Variants in SHPRH observed in about 807,000 individuals in gnomAD.
The protein encoded by SHPRH is SNF2 histone linker PHD RING helicase.
In SHPRH, 106 loss-of-function variants were observed where a neutral mutation model predicts 202.5. The ratio of observed to expected loss-of-function variants is 0.52; its 90% CI spans 0.45 to 0.62. The LOEUF is 0.62. SHPRH is among the 20% of genes least tolerant of loss of function. The pLI is 0.00. For missense variants in SHPRH, 1,710 were observed against 2,020.0 expected, an observed-to-expected ratio of 0.85 and a Z score of 2.94; for synonymous variants, 729 against 686.0, an observed-to-expected ratio of 1.06 and a Z score of -0.98.
intron 23 of SHPRH, 105 bp downstream of exon 23, chr6:145,918,026 C>T: frequency 1.3e-6 from 1 of 763,914 alleles, no homozygotes; most frequent in South Asian, 2.0e-5. Flanking sequence ...CATATAACAC[C>T]AAATACTAAT....
At chr6:145,887,695 T>C (rs1781194714) in intron 29 of SHPRH, among the ~76,000 whole-genome samples, 1 of 152,108 alleles carries the variant, frequency 6.6e-6, no homozygotes, top group Admixed American at 6.6e-5. Flanking sequence ...TCACCATGCC[T>C]GGCTAATTTT....
chr6:145,862,260 G>A (rs1486066103), downstream of SHPRH, among the ~76,000 whole-genome samples: 1 of 151,604 alleles, frequency 6.6e-6, no homozygotes, highest in Non-Finnish European at 1.5e-5. Context: ...AGGAGATTGA[G>A]ACCATGGTGA....
chr6:145,857,956 T>C, the SHPRH span, among the ~76,000 whole-genome samples: 1 of 152,128 alleles, frequency 6.6e-6, no homozygotes, highest in African/African-American at 2.4e-5. Context: ...CAAAGAAGCA[T>C]ATGATATGAC....
At chr6:145,912,288 A>G (rs1043399542) in intron 24 of SHPRH, among the ~76,000 whole-genome samples, 3 of 152,096 alleles carry the variant, frequency 2.0e-5, no homozygotes, top group African/African-American at 7.2e-5. Flanking sequence ...CGGCTACTAT[A>G]TATTGTAAGT....
intron 11 of SHPRH, among the ~76,000 whole-genome samples, chr6:145,937,455 T>A (rs1786236702): frequency 6.6e-6 from 1 of 152,120 alleles, no homozygotes; most frequent in South Asian, 2.1e-4. Context: ...CAGCACCACT[T>A]GCCTAGATTA....
Position 145,902,310 on chromosome 6 carries a change from A to C in SHPRH, c.4516-7333T>G, listed in dbSNP as rs531940246. 8.5e-4 allele frequency among the ~76,000 whole-genome samples: 129 copies of C among 152,262 alleles called. 1 individual carries two copies. The South Asian group carries it at 0.017, about 20-fold the overall frequency. On this transcript the variant is annotated intron_variant, in intron 25 of 29. Coordinates refer to ENST00000275233, the MANE Select transcript of SHPRH (RefSeq NM_001042683.3). Reference sequence around the variant, plus strand: ...CAAGATCAGAAATGTCATGTGGCTTATCTGCTCTAACAGGTGCCACTAACT... The same window carrying C: ...CAAGATCAGAAATGTCATGTGGCTTCTCTGCTCTAACAGGTGCCACTAACT...
At position 145,955,058 on chromosome 6, in the gene SHPRH, C is replaced by T; in HGVS notation, c.265G>A (p.Val89Ile). The change falls in exon 2 of 30, where the codon GTT becomes ATT. Residue 89 changes from valine (V) to isoleucine (I), a missense_variant. This residue lies in a region of SHPRH where 459 missense variants were observed against 426.5 expected (regional missense o/e 1.08). Coordinates refer to ENST00000275233, the MANE Select transcript of SHPRH (RefSeq NM_001042683.3). ...FSKPIEKEET[V>I]GIFSPLSVKL... ...ACAGACAAAGGGGAAAAAATACCAACAGTCTCTTCTTTTTCAATTGGTTTT... is the reference window on the plus strand; with the variant it reads ...ACAGACAAAGGGGAAAAAATACCAATAGTCTCTTCTTTTTCAATTGGTTTT... The T allele has an allele frequency of 6.2e-7, 1 of 1,613,248 alleles. No homozygotes were observed. The highest frequency in any genetic ancestry group is 1.3e-5 in the African/African-American group (1 of 75,018).
At chr6:145,906,681 GT>G (rs1430985842) in intron 25 of SHPRH, 1 of 152,006 alleles carries the variant, frequency 6.6e-6, no homozygotes, top group East Asian at 1.9e-4. Flanking sequence ...ATAGGTTCTG[GT>G]TACAATTCTG....
intron 2 of SHPRH, chr6:145,877,808 C>T (rs1384591118): frequency 6.6e-6 from 1 of 152,204 alleles, no homozygotes; most frequent in Non-Finnish European, 1.5e-5. Context: ...CTATTGATCC[C>T]AAGTCTTTAG....
downstream of SHPRH, among the ~76,000 whole-genome samples, chr6:145,863,421 A>G (rs766473572): frequency 2.0e-5 from 3 of 152,248 alleles, no homozygotes; most frequent in Non-Finnish European, 4.4e-5. Flanking sequence ...ATATATTGCA[A>G]TGTATTTCCT....
At chr6:145,872,348 A>C (rs981000357) in intron 2 of SHPRH, among the ~76,000 whole-genome samples, 7 of 152,124 alleles carry the variant, frequency 4.6e-5, no homozygotes, top group African/African-American at 7.2e-5. Context: ...CAAATTTACA[A>C]AAAAAAGCAA....
chr6:145,909,534 T>C (rs1334209938), intron 25 of SHPRH: 2 of 152,108 alleles, frequency 1.3e-5, no homozygotes, highest in Non-Finnish European at 2.9e-5. Flanking sequence ...GGGAGAAGGG[T>C]ACCCTAATAA....
At chr6:145,931,513 C>G (rs1785440927) in intron 14 of SHPRH, among the ~76,000 whole-genome samples, 1 of 151,876 alleles carries the variant, frequency 6.6e-6, no homozygotes, top group Admixed American at 6.6e-5. Context: ...CCACCACACC[C>G]AGCTAGTAGA....
the SHPRH span, among the ~76,000 whole-genome samples, chr6:145,859,241 A>G: frequency 1.3e-5 from 2 of 152,032 alleles, no homozygotes; most frequent in Non-Finnish European, 2.9e-5. Flanking sequence ...AATCTCACCC[A>G]ATTAACCTGT....
At chr6:145,912,202 A>C (rs3924498) in intron 24 of SHPRH, among the ~76,000 whole-genome samples, 1 of 151,564 alleles carries the variant, frequency 6.6e-6, no homozygotes, top group Non-Finnish European at 1.5e-5. Flanking sequence ...ATATGGGTTA[A>C]CTCTGATAGA....
chr6:145,893,427 G>C (rs35225414), intron 27 of SHPRH, 34 bp from the exon 28 acceptor site: 37 of 1,532,452 alleles, frequency 2.4e-5, no homozygotes, highest in Non-Finnish European at 3.1e-5. Flanking sequence ...ATTTTAGCTC[G>C]ATCAGTTAAA....
rs1252196895 is a variant in SHPRH, at chr6:145,964,003, G to C, written c.-305C>G. The C allele has an allele frequency of 1.3e-5, 2 of 152,188 alleles. No homozygotes were observed. Among genetic ancestry groups the C allele is most frequent in the Non-Finnish European group, 2.9e-5 (2 of 68,084 alleles). 9.4% of individuals were successfully genotyped at this position (152,188 alleles called of 1,614,324 possible). A position where few individuals can be genotyped will look rare whatever the true frequency, so the allele number is the denominator to read the frequency against. ...GCTAGTCCGGGATCGGGAAGAGGTG[G>C]GGAAGACTCGCGCAGCGGCTCCCTC... On this transcript the variant is annotated 5_prime_UTR_variant, in exon 1 of 30. Coordinates refer to ENST00000275233, the MANE Select transcript of SHPRH (RefSeq NM_001042683.3).
At chr6:145,939,896 C>T (rs528451414) in intron 11 of SHPRH, among the ~76,000 whole-genome samples, 10 of 151,920 alleles carry the variant, frequency 6.6e-5, no homozygotes, top group Middle Eastern at 3.2e-3. Flanking sequence ...TGAAAACATA[C>T]GAAAACTTGG....
chr6:145,858,892 G>GT, the SHPRH span, among the ~76,000 whole-genome samples: 1 of 151,932 alleles, frequency 6.6e-6, no homozygotes, highest in Non-Finnish European at 1.5e-5. Context: ...GAGTGATATG[G>GT]TACTTTAGAT....
Sources: allele counts gnomAD v4.1 joint callset (sites outside exome capture counted in the v4.1 genomes callset), GRCh38; gene constraint gnomAD v4.1.1; regional missense constraint gnomAD v4.1.1; transcripts MANE v1.5; gene names NCBI Gene and HGNC (gene_info 2026-07-23, HGNC 2026-07-21).